OR10J1: variants seen among roughly 807,000 people sequenced by gnomAD.
The protein encoded by OR10J1 is olfactory receptor family 10 subfamily J member 1, also known as olfactory receptor 10J1.
For synonymous variants in OR10J1, 202 were observed against 143.8 expected, an observed-to-expected ratio of 1.40 and a Z score of -2.89; for missense variants, 474 against 376.6, an observed-to-expected ratio of 1.26 and a Z score of -2.14.
the OR10J1 span, among the ~76,000 whole-genome samples, chr1:159,417,483 C>A: frequency 6.6e-6 from 1 of 152,078 alleles, no homozygotes; most frequent in African/African-American, 2.4e-5. Flanking sequence ...ATAAGTCTTA[C>A]GAGATCTGAT....
At chr1:159,426,631 T>C in the OR10J1 span, among the ~76,000 whole-genome samples, 5 of 151,824 alleles carry the variant, frequency 3.3e-5, no homozygotes, top group Non-Finnish European at 5.9e-5. Context: ...AATGGTTTAG[T>C]AGGACTTAAA....
the OR10J1 span, among the ~76,000 whole-genome samples, chr1:159,400,900 T>A: frequency 2.0e-5 from 3 of 152,050 alleles, no homozygotes; most frequent in African/African-American, 7.2e-5. Context: ...ATTCAAAAAA[T>A]TTAAATAATA....
chr1:159,427,964 A>G, the OR10J1 span, among the ~76,000 whole-genome samples: 1 of 152,166 alleles, frequency 6.6e-6, no homozygotes, highest in East Asian at 1.9e-4. Flanking sequence ...ATGTCAATGA[A>G]TGCAGAAAAG....
rs771117097 is a variant in OR10J1, at chr1:159,440,659, A to C, written c.868A>C (p.Thr290Pro). Residue 290 changes from threonine (T) to proline (P), a missense_variant, in exon 1 of 1, where the codon ACC (threonine) becomes CCC (proline). Physicochemically the swap from Thr to Pro is conservative, Grantham distance 38 (BLOSUM62 -1). Transcript: ENST00000423932. ...TCCCCTACTGAACCCTGTGGTATAC[A>C]CCCTGAGAAATAAAGAGGTCAAAGA... ...ITPLLNPVVY[T>P]LRNKEVKDAL... 3 of 1,613,634 alleles carry C rather than the reference A, an allele frequency of 1.9e-6. No homozygotes were observed. The South Asian group carries it at 3.3e-5, about 18-fold the overall frequency.
At chr1:159,420,661 C>T in the OR10J1 span, among the ~76,000 whole-genome samples, 1 of 151,760 alleles carries the variant, frequency 6.6e-6, no homozygotes, top group Non-Finnish European at 1.5e-5. Context: ...TGAAGGATAA[C>T]TTTGTTAGGC....
chr1:159,420,252 G>A, the OR10J1 span, among the ~76,000 whole-genome samples: 1 of 152,012 alleles, frequency 6.6e-6, no homozygotes, highest in African/African-American at 2.4e-5. Flanking sequence ...CATATCATTG[G>A]GTCATATTGT....
chr1:159,410,757 C>T, the OR10J1 span, among the ~76,000 whole-genome samples: 1 of 150,246 alleles, frequency 6.7e-6, no homozygotes, highest in African/African-American at 2.4e-5. Flanking sequence ...AATGTGTTTG[C>T]TCTTGCTTTT....
chr1:159,414,180 T>C, the OR10J1 span, among the ~76,000 whole-genome samples: 5 of 152,068 alleles, frequency 3.3e-5, no homozygotes, highest in Admixed American at 6.6e-5. Flanking sequence ...CTGTGGACCA[T>C]GAGAATTTAT....
chr1:159,417,472 A>G, the OR10J1 span, among the ~76,000 whole-genome samples: 1 of 152,134 alleles, frequency 6.6e-6, no homozygotes, highest in Admixed American at 6.6e-5. Flanking sequence ...CATAATAGTG[A>G]ATAAGTCTTA....
the OR10J1 span, among the ~76,000 whole-genome samples, chr1:159,431,803 G>A: frequency 1.3e-5 from 2 of 152,122 alleles, no homozygotes; most frequent in African/African-American, 2.4e-5. Flanking sequence ...CCCAGTTGTA[G>A]GCTAATGCAA....
chr1:159,399,830 C>T, the OR10J1 span, among the ~76,000 whole-genome samples: 1 of 151,612 alleles, frequency 6.6e-6, no homozygotes, highest in African/African-American at 2.4e-5. Flanking sequence ...ATAATCAGTA[C>T]AATAAGATAT....
At position 159,439,990 on chromosome 1, in the gene OR10J1, T is replaced by C. The variant is rs1655873858; in HGVS notation, c.199T>C (p.Ser67Pro). 1.9e-6 allele frequency: 3 copies of C among 1,614,058 alleles called. No individual in the cohort carries two copies. The African/African-American group carries it at 4.0e-5, about 22-fold the overall frequency. The stretch of plus-strand genomic sequence containing the variant: ...CATGTACTTCTTCCTGAGCATGCTG[T>C]CCACTTCAGAGACTGTATATACATT... ...TPMYFFLSMLSTSETVYTLVI... is the reference protein window; with the variant it reads ...TPMYFFLSMLPTSETVYTLVI... The change falls in exon 1 of 1, where the codon TCC becomes CCC. Residue 67 changes from serine (S) to proline (P), a missense_variant. Ser to Pro is a moderately conservative substitution (Grantham distance 74). Transcript: ENST00000423932.
the OR10J1 span, among the ~76,000 whole-genome samples, chr1:159,412,867 C>T: frequency 1.6e-4 from 24 of 151,592 alleles, no homozygotes; most frequent in Non-Finnish European, 3.2e-4. Flanking sequence ...AGCTTCTGCA[C>T]AGCAAAAGAA....
chr1:159,402,556 G>A, the OR10J1 span, among the ~76,000 whole-genome samples: 1 of 151,914 alleles, frequency 6.6e-6, no homozygotes. Context: ...CTTAACCAAA[G>A]AAGTGAAAGA....
chr1:159,426,924 T>C, the OR10J1 span, among the ~76,000 whole-genome samples: 1 of 151,920 alleles, frequency 6.6e-6, no homozygotes, highest in Non-Finnish European at 1.5e-5. Context: ...TATTTACTCA[T>C]TCAGTCTTTA....
the OR10J1 span, among the ~76,000 whole-genome samples, chr1:159,425,490 T>C: frequency 6.6e-6 from 1 of 152,112 alleles, no homozygotes; most frequent in African/African-American, 2.4e-5. Context: ...TGTATCTAAC[T>C]GTATCTATAG....
chr1:159,419,761 G>A, the OR10J1 span, among the ~76,000 whole-genome samples: 2 of 152,118 alleles, frequency 1.3e-5, no homozygotes. Flanking sequence ...ATCTATTTTG[G>A]AGAATGTTTC....
the OR10J1 span, among the ~76,000 whole-genome samples, chr1:159,423,163 C>A: frequency 1.3e-5 from 2 of 152,138 alleles, no homozygotes; most frequent in South Asian, 4.1e-4. Flanking sequence ...TCTTAAAGAA[C>A]ATATCTCCCT....
the OR10J1 span, among the ~76,000 whole-genome samples, chr1:159,422,515 C>T: frequency 2.0e-5 from 3 of 152,152 alleles, no homozygotes; most frequent in African/African-American, 7.2e-5. Context: ...GGTCTCTGCC[C>T]ATGGTTCCCA....
Sources: gnomAD v4.1 joint callset for allele counts (sites outside exome capture counted in the v4.1 genomes callset) on GRCh38, gnomAD v4.1.1 for gene constraint, MANE v1.5 for transcripts, NCBI Gene and HGNC (gene_info 2026-07-23, HGNC 2026-07-21) for gene names.